The following FNDC3B variants were observed in gnomAD, a reference collection of about 807,000 sequenced individuals.
The protein encoded by FNDC3B is fibronectin type III domain-containing protein 3B.
FNDC3B carries 12 observed loss-of-function variants against 151.5 expected under a neutral mutation model. The observed-to-expected ratio is 0.08, with a 90% CI of 0.05 to 0.13. The LOEUF (loss-of-function observed/expected upper bound fraction) is 0.13, where lower values mean the gene tolerates loss of function less well. Ranked by LOEUF, FNDC3B falls within the 10% of genes least tolerant of loss-of-function variation. The probability of loss-of-function intolerance (pLI) is 1.00; values close to 1 mark genes in which losing one functional copy is unlikely to be tolerated. For missense variants in FNDC3B, 1,214 were observed against 1,505.3 expected, an observed-to-expected ratio of 0.81 and a Z score of 3.20; for synonymous variants, 528 against 549.0, an observed-to-expected ratio of 0.96 and a Z score of 0.54.
intron 3 of FNDC3B, among the ~76,000 whole-genome samples, chr3:172,141,095 CATT>C (rs1418865239): frequency 1.3e-5 from 2 of 152,228 alleles, no homozygotes; most frequent in East Asian, 1.9e-4. Flanking sequence ...TTGTAAGTGT[CATT>C]ATTCTTATCA....
chr3:172,363,777 T>A (rs1734476435), intron 23 of FNDC3B, among the ~76,000 whole-genome samples: 2 of 152,230 alleles, frequency 1.3e-5, no homozygotes, highest in South Asian at 4.1e-4. Context: ...TTGATGGATT[T>A]CAGTACAGTG....
At chr3:172,146,773 T>C (rs1721932003) in intron 3 of FNDC3B, among the ~76,000 whole-genome samples, 1 of 152,248 alleles carries the variant, frequency 6.6e-6, no homozygotes, top group Non-Finnish European at 1.5e-5. Context: ...TAGTTGGCTT[T>C]ACTGAACCTA....
chr3:172,086,802 AG>A (rs1718569753), intron 1 of FNDC3B, among the ~76,000 whole-genome samples: 1 of 152,240 alleles, frequency 6.6e-6, no homozygotes, highest in Non-Finnish European at 1.5e-5. Context: ...GTATATTAAA[AG>A]TTCTTTGAAG....
At chr3:172,359,042 A>G (rs1206386315) in intron 22 of FNDC3B, among the ~76,000 whole-genome samples, 1 of 150,238 alleles carries the variant, frequency 6.7e-6, no homozygotes, top group Non-Finnish European at 1.5e-5. Flanking sequence ...GTGTGTGTTA[A>G]GGCTAGGATT....
chr3:172,262,894 CAAAAAAAAAAAAAAAA>C lies in FNDC3B; in HGVS notation c.790+11366_790+11381del, dbSNP rs67891835. On this transcript the variant is annotated intron_variant, in intron 6 of 25. Coordinates refer to ENST00000415807, the MANE Select transcript of FNDC3B (RefSeq NM_022763.4). ...CCTAGATGACAGAGTGAGACCGACT[CAAAAAAAAAAAAAAAA>C]AAAAAAAAAAAAGCACTAGAAAGTT... is the stretch of plus-strand genomic sequence containing the variant. Among the ~76,000 whole-genome samples the C allele has an allele frequency of 4.3e-4, 26 of 60,638 alleles. 1 individual carries two copies. The highest frequency in any genetic ancestry group is 1.7e-3 in the African/African-American group (26 of 15,534). 39.8% of individuals were successfully genotyped at this position (60,638 alleles called of 152,430 possible).
At chr3:172,172,217 G>A (rs1259906863) in intron 3 of FNDC3B, among the ~76,000 whole-genome samples, 5 of 152,134 alleles carry the variant, frequency 3.3e-5, no homozygotes, top group Admixed American at 2.0e-4. Flanking sequence ...TCTCAAAATA[G>A]GCATTGTCTA....
intron 1 of FNDC3B, among the ~76,000 whole-genome samples, chr3:172,091,423 A>G (rs1005857605): frequency 2.6e-5 from 4 of 152,254 alleles, no homozygotes; most frequent in African/African-American, 9.6e-5. Flanking sequence ...AAGAAAAGGT[A>G]GATATTTTCC....
At chr3:172,394,332 A>T (rs201877883) in intron 25 of FNDC3B, among the ~76,000 whole-genome samples, 3 of 151,984 alleles carry the variant, frequency 2.0e-5, no homozygotes, top group Admixed American at 6.6e-5. Flanking sequence ...CAGTACAAAG[A>T]TCAACAAAAC....
At chr3:172,373,996 C>T (rs1321949437) in intron 23 of FNDC3B, among the ~76,000 whole-genome samples, 2 of 152,208 alleles carry the variant, frequency 1.3e-5, no homozygotes, top group African/African-American at 4.8e-5. Context: ...CAGAAAGAAA[C>T]TTAGAATCAA....
chr3:172,265,368 G>A (rs1442997193), intron 6 of FNDC3B, among the ~76,000 whole-genome samples: 1 of 152,120 alleles, frequency 6.6e-6, no homozygotes, highest in East Asian at 1.9e-4. Flanking sequence ...AAAGAACTCA[G>A]GTAATGTGTC....
chr3:172,255,461 C>T (rs371428985), intron 6 of FNDC3B, among the ~76,000 whole-genome samples: 3 of 152,096 alleles, frequency 2.0e-5, no homozygotes, highest in Admixed American at 6.6e-5. Flanking sequence ...GTAGAGATGG[C>T]GTTTCACCAT....
intron 6 of FNDC3B, among the ~76,000 whole-genome samples, chr3:172,282,134 G>C (rs1729762627): frequency 6.6e-6 from 1 of 152,154 alleles, no homozygotes; most frequent in South Asian, 2.1e-4. Context: ...TTTCATACTA[G>C]ACTGTTAGCT....
intron 9 of FNDC3B, among the ~76,000 whole-genome samples, chr3:172,303,882 G>T (rs1731058847): frequency 6.6e-6 from 1 of 152,152 alleles, no homozygotes; most frequent in Non-Finnish European, 1.5e-5. Context: ...GTAATCAAGG[G>T]ATACTTAAGT....
Position 172,350,493 on chromosome 3 carries a change from A to G in FNDC3B, c.2515-2310A>G, listed in dbSNP as rs535831827. Among the ~76,000 whole-genome samples the G allele has an allele frequency of 2.2e-4, 34 of 152,350 alleles. No homozygotes were observed. The East Asian group carries it at 4.6e-3, about 21-fold the overall frequency. On this transcript the variant is annotated intron_variant, in intron 21 of 25. Transcript: ENST00000415807. ...TATCAGTACCAAAATCTCGAAATACATACTTATAAAATAATTTGTCATGTT... is the reference window on the plus strand; with the variant it reads ...TATCAGTACCAAAATCTCGAAATACGTACTTATAAAATAATTTGTCATGTT...
At chr3:172,285,794 A>T (rs1283393312) in intron 6 of FNDC3B, 132 bp from the exon 7 acceptor site, 1 of 675,372 alleles carries the variant, frequency 1.5e-6, no homozygotes, top group Non-Finnish European at 2.6e-6. Context: ...TAACATTTGT[A>T]ATATCAAAAA....
At chr3:172,178,068 G>A (rs4432678) in intron 3 of FNDC3B, among the ~76,000 whole-genome samples, 59,655 of 151,924 alleles carry the variant, frequency 0.39, 11,858 homozygotes, top group Non-Finnish European at 0.4. Flanking sequence ...CATGGTGTCT[G>A]TGTACCACAT....
chr3:172,230,103 T>C (rs1458744542), intron 4 of FNDC3B, among the ~76,000 whole-genome samples: 1 of 152,174 alleles, frequency 6.6e-6, no homozygotes, highest in Non-Finnish European at 1.5e-5. Context: ...TGGATTTGTA[T>C]ATGTAACACC....
chr3:172,133,741 A>G (rs1024428386), intron 3 of FNDC3B, 195 bp downstream of exon 3: 3 of 619,020 alleles, frequency 4.8e-6, no homozygotes, highest in Non-Finnish European at 8.7e-6. Context: ...TTAGTGGTAA[A>G]ATCTGTATTG....
chr3:172,171,699 A>G (rs1723294229), intron 3 of FNDC3B, among the ~76,000 whole-genome samples: 2 of 145,780 alleles, frequency 1.4e-5, no homozygotes, highest in Non-Finnish European at 3.0e-5. Flanking sequence ...CATATTATTT[A>G]TGCCTGGAGT....
Sources: allele counts gnomAD v4.1 joint callset (sites outside exome capture counted in the v4.1 genomes callset), GRCh38; gene constraint gnomAD v4.1.1; transcripts MANE v1.5; gene names NCBI Gene and HGNC (gene_info 2026-07-23, HGNC 2026-07-21).